Variants in TPTE2 observed in about 807,000 individuals in gnomAD.
TPTE2 encodes transmembrane phosphoinositide 3-phosphatase and tensin homolog 2.
Under a neutral mutation model 78.6 loss-of-function variants are expected in TPTE2, and 53 were observed. That is an observed-to-expected ratio of 0.67 (90% CI 0.54 to 0.85). TPTE2 has a LOEUF of 0.85. TPTE2 is among the 40% of genes least tolerant of loss of function. The pLI is 0.00. For synonymous variants in TPTE2, 175 were observed against 206.2 expected (o/e 0.85, Z 1.30); for missense variants, 461 against 623.0 (o/e 0.74, Z 2.77).
At chr13:19,555,657 T>G in the TPTE2 span, among the ~76,000 whole-genome samples, 1 of 152,130 alleles carries the variant, frequency 6.6e-6, no homozygotes, top group Non-Finnish European at 1.5e-5. Context: ...TACATAAAAC[T>G]TCAATGCTTC....
At chr13:19,501,698 C>T (rs9579259) in intron 1 of TPTE2, among the ~76,000 whole-genome samples, 28,217 of 151,150 alleles carry the variant, frequency 0.19, 3,628 homozygotes, top group African/African-American at 0.36. Context: ...CCATAAAAAC[C>T]CTAGAAGAAA....
At chr13:19,551,418 C>T in the TPTE2 span, among the ~76,000 whole-genome samples, 2 of 152,082 alleles carry the variant, frequency 1.3e-5, no homozygotes, top group South Asian at 2.1e-4. Flanking sequence ...TGCGAAACCC[C>T]ATCTCTACTA....
In TPTE2 at chr13:19,465,146, T is replaced by A; in HGVS notation, c.676+109A>T. 3 of 1,404,998 alleles carry A rather than the reference T, an allele frequency of 2.1e-6. No homozygotes were observed. In the Admixed American group the frequency reaches 5.2e-5, roughly 24 times the overall value. The allele number at this position is 1,404,998 out of a possible 1,614,324, so 87.0% of individuals were successfully genotyped here. On this transcript the variant is annotated intron_variant, in intron 9 of 19. Transcript: ENST00000400230. ...CACACTATCACAGTGGCATATATTC[T>A]CAAGAATAAAGAATATTTTGAATGA...
chr13:19,468,522 G>C (rs1346542087), intron 6 of TPTE2, among the ~76,000 whole-genome samples: 1 of 152,100 alleles, frequency 6.6e-6, no homozygotes, highest in Non-Finnish European at 1.5e-5. Flanking sequence ...TTTCTTGTGG[G>C]TATCTACCCA....
intron 3 of TPTE2, among the ~76,000 whole-genome samples, chr13:19,492,357 T>C (rs1185088645): frequency 6.6e-6 from 1 of 152,176 alleles, no homozygotes; most frequent in African/African-American, 2.4e-5. Flanking sequence ...CTGTTCTTTT[T>C]TTCCCAGGGC....
intron 10 of TPTE2, among the ~76,000 whole-genome samples, chr13:19,452,239 CAT>C (rs953621247): frequency 1.3e-5 from 2 of 151,988 alleles, no homozygotes; most frequent in Non-Finnish European, 2.9e-5. Flanking sequence ...TTAGAAATCA[CAT>C]ATAAAAACTA....
chr13:19,524,582 G>T lies in TPTE2; in HGVS notation c.-44+12014C>A, dbSNP rs146776083. 4.5e-3 allele frequency among the ~76,000 whole-genome samples: 690 copies of T among 152,228 alleles called. 4 individuals are homozygous for T. Among genetic ancestry groups the T allele is most frequent in the African/African-American group, 0.014 (598 of 41,532 alleles). On this transcript the variant is annotated intron_variant, in intron 1 of 17. Coordinates refer to the TPTE2 transcript ENST00000390680. ...ACAGAAACCATAAAGAGAAGAAAAA[G>T]ACATAGAAAAATACAAATATTAAAA...
At chr13:19,521,323 T>C (rs1870135890) in intron 1 of TPTE2, among the ~76,000 whole-genome samples, 1 of 139,780 alleles carries the variant, frequency 7.2e-6, no homozygotes, top group Admixed American at 7.7e-5. Context: ...ATGTCCTTTG[T>C]TTTTAATAAA....
At chr13:19,542,756 G>A in the TPTE2 span, among the ~76,000 whole-genome samples, 3 of 152,096 alleles carry the variant, frequency 2.0e-5, no homozygotes, top group East Asian at 3.9e-4. Context: ...ACACTTTGGG[G>A]GTCTGAGCAG....
chr13:19,511,586 T>C (rs1336680922), intron 1 of TPTE2, among the ~76,000 whole-genome samples: 5 of 152,148 alleles, frequency 3.3e-5, no homozygotes, highest in African/African-American at 1.2e-4. Flanking sequence ...ATCAGGTTCT[T>C]TGGGTAAACG....
At chr13:19,435,071 T>C (rs968451331) in intron 15 of TPTE2, among the ~76,000 whole-genome samples, 4 of 152,232 alleles carry the variant, frequency 2.6e-5, no homozygotes, top group Admixed American at 2.6e-4. Flanking sequence ...TCCTGGTTTC[T>C]GCAATAAACA....
chr13:19,445,189 G>A (rs1282676979), intron 13 of TPTE2, among the ~76,000 whole-genome samples: 1 of 152,030 alleles, frequency 6.6e-6, no homozygotes, highest in Non-Finnish European at 1.5e-5. Context: ...AAGCTTTCTT[G>A]AAATACATTT....
chr13:19,479,008 A>G (rs1208566143), intron 4 of TPTE2, among the ~76,000 whole-genome samples: 1 of 151,628 alleles, frequency 6.6e-6, no homozygotes, highest in Non-Finnish European at 1.5e-5. Flanking sequence ...GGGGCCTGTC[A>G]TGGGGTGGGG....
At chr13:19,449,341 T>C (rs563389554) in intron 13 of TPTE2, among the ~76,000 whole-genome samples, 2 of 152,172 alleles carry the variant, frequency 1.3e-5, no homozygotes, top group South Asian at 4.1e-4. Context: ...ATCCGGCTAA[T>C]GTTTTGTATT....
At chr13:19,451,170 A>G (rs1469160265) in exon 11 of TPTE2, 2 of 1,613,442 alleles carry the variant, frequency 1.2e-6, no homozygotes, top group Admixed American at 3.3e-5. Context: ...CATACTGCAT[A>G]GATTGTAGAC....
At position 19,445,963 on chromosome 13, in the gene TPTE2, A is replaced by ATTTT. The variant is rs1353018940; in HGVS notation, c.973+4112_973+4113insAAAA. On this transcript the variant is annotated intron_variant, in intron 13 of 19. Transcript: ENST00000400230. Reference sequence around the variant, plus strand: ...CTCAAAACAAAAAACAAAAAACATAATTTATCACAATAAAAATTGGAAACA... The same window carrying ATTTT: ...CTCAAAACAAAAAACAAAAAACATAATTTTTTTATCACAATAAAAATTGGAAACA... Among the ~76,000 whole-genome samples, 7 of 152,226 alleles carry ATTTT rather than the reference A, an allele frequency of 4.6e-5. No homozygotes were observed. In the South Asian group the frequency reaches 1.4e-3, roughly 31 times the overall value.
the TPTE2 span, chr13:19,561,048 G>GTGGGA: frequency 1.3e-6 from 2 of 1,575,646 alleles, no homozygotes; most frequent in Non-Finnish European, 1.7e-6. Context: ...AGGGAGCTGA[G>GTGGGA]CACCAGCTTC....
chr13:19,559,353 C>A, the TPTE2 span, among the ~76,000 whole-genome samples: 1 of 152,138 alleles, frequency 6.6e-6, no homozygotes, highest in African/African-American at 2.4e-5. Context: ...GGCTCTGGGC[C>A]CTGGCTTGCC....
At chr13:19,502,724 A>T (rs1234666195) in intron 1 of TPTE2, among the ~76,000 whole-genome samples, 51 of 149,796 alleles carry the variant, frequency 3.4e-4, no homozygotes, top group Middle Eastern at 3.2e-3. Context: ...GGTGCAGCGC[A>T]CCAGCATGGC....
Sources: gnomAD v4.1 joint callset for allele counts (sites outside exome capture counted in the v4.1 genomes callset) on GRCh38, gnomAD v4.1.1 for gene constraint, MANE v1.5 for transcripts, NCBI Gene and HGNC (gene_info 2026-07-23, HGNC 2026-07-21) for gene names.